FRK: variants seen among roughly 807,000 people sequenced by gnomAD.
FRK encodes the protein fyn related Src family tyrosine kinase, also known as tyrosine-protein kinase FRK.
FRK carries 51 observed loss-of-function variants against 56.4 expected under a neutral mutation model. The ratio of observed to expected loss-of-function variants is 0.90; its 90% CI spans 0.72 to 1.14. The LOEUF (loss-of-function observed/expected upper bound fraction) is 1.14, where lower values mean the gene tolerates loss of function less well. Among genes scored for constraint, FRK ranks in the 50% most tolerant of loss-of-function variants. FRK has a pLI of 0.00. For synonymous variants in FRK, 245 were observed against 217.9 expected (o/e 1.12, Z -1.10); for missense variants, 570 against 601.4 (o/e 0.95, Z 0.55).
chr6:116,059,990 C>T lies in FRK; in HGVS notation c.322G>A (p.Asp108Asn). ...CACGGCTCTGCCTGTAGGCTTCTGT[C>T]CTCAGCCACGTAGTTAGAAGGAATA... ...GYIPSNYVAE[D>N]RSLQAEPWFF... Residue 108 changes from aspartate to asparagine, a missense_variant, in exon 1 of 8, where the codon GAC (aspartate) becomes AAC (asparagine). By Grantham distance (23) the Asp-to-Asn change is conservative. Transcript: ENST00000606080. The T allele has an allele frequency of 1.2e-6, 2 of 1,614,102 alleles. No individual in the cohort carries two copies. The highest frequency in any genetic ancestry group is 1.1e-5 in the South Asian group (1 of 91,058).
intron 1 of FRK, among the ~76,000 whole-genome samples, chr6:116,031,371 C>T (rs1776298931): frequency 6.6e-6 from 1 of 151,984 alleles, no homozygotes; most frequent in South Asian, 2.1e-4. Context: ...ATTTTAGTAA[C>T]ATTCAAAAAT....
chr6:115,948,711 G>A (rs181564862), intron 5 of FRK, among the ~76,000 whole-genome samples: 25 of 152,066 alleles, frequency 1.6e-4, no homozygotes, highest in Admixed American at 3.9e-4. Context: ...TCCTTCAGTC[G>A]TTTCCACGTA....
At chr6:116,020,377 C>T (rs541066214) in intron 1 of FRK, among the ~76,000 whole-genome samples, 16 of 152,086 alleles carry the variant, frequency 1.1e-4, no homozygotes, top group African/African-American at 2.9e-4. Context: ...CTGCAACCTC[C>T]ACCTCCTGGG....
At chr6:116,050,146 A>G (rs1167448531) in intron 1 of FRK, among the ~76,000 whole-genome samples, 4 of 152,200 alleles carry the variant, frequency 2.6e-5, no homozygotes, top group Non-Finnish European at 5.9e-5. Context: ...TAACGGCTAG[A>G]CCTTGCTGTC....
intron 2 of FRK, among the ~76,000 whole-genome samples, chr6:115,975,898 G>A (rs1773975071): frequency 6.6e-6 from 1 of 152,128 alleles, no homozygotes; most frequent in Non-Finnish European, 1.5e-5. Context: ...GGGTAAGTAT[G>A]TATCAGGAAT....
At position 116,052,829 on chromosome 6, in the gene FRK, G is replaced by A. The variant is rs1777230820; in HGVS notation, c.344+7139C>T. On this transcript the variant is annotated intron_variant, in intron 1 of 7. Coordinates refer to ENST00000606080, the MANE Select transcript of FRK (RefSeq NM_002031.3). Reference sequence around the variant, plus strand: ...ACACCTGTTACAGGGAAAGAATATTGTGAGCTCAGACTAGAGTGGGGGTGT... The same window carrying A: ...ACACCTGTTACAGGGAAAGAATATTATGAGCTCAGACTAGAGTGGGGGTGT... 4.6e-5 allele frequency among the ~76,000 whole-genome samples: 7 copies of A among 152,142 alleles called. 1 individual carries two copies. The South Asian group carries it at 1.5e-3, about 32-fold the overall frequency.
chr6:116,050,623 T>C (rs1777146028), intron 1 of FRK, among the ~76,000 whole-genome samples: 1 of 152,176 alleles, frequency 6.6e-6, no homozygotes, highest in Non-Finnish European at 1.5e-5. Flanking sequence ...CTGATGTGCT[T>C]TTGACAAAGG....
intron 2 of FRK, among the ~76,000 whole-genome samples, chr6:115,978,777 CA>C (rs1434412817): frequency 6.6e-6 from 1 of 152,102 alleles, no homozygotes; most frequent in Non-Finnish European, 1.5e-5. Flanking sequence ...TATATGATAA[CA>C]ATAATTAATG....
upstream of FRK, among the ~76,000 whole-genome samples, chr6:116,064,230 T>G (rs1471919697): frequency 3.3e-5 from 5 of 152,162 alleles, no homozygotes; most frequent in Non-Finnish European, 5.9e-5. Context: ...TTTTCTAGGT[T>G]GGGTTCAGGC....
chr6:115,974,842 C>G (rs1307345282), intron 2 of FRK, among the ~76,000 whole-genome samples: 1 of 152,104 alleles, frequency 6.6e-6, no homozygotes, highest in Non-Finnish European at 1.5e-5. Context: ...TCAGAGCCAG[C>G]CTTCTCTATC....
At position 115,933,035 on chromosome 6, in the gene FRK, A is replaced by G. The variant is rs1235246927; in HGVS notation, c.*9379T>C. Reference sequence around the variant, plus strand: ...TTTGATGACAAAATATTCAGGTTCCACAACTATTCAGAGTCTACCCTGTGC... The same window carrying G: ...TTTGATGACAAAATATTCAGGTTCCGCAACTATTCAGAGTCTACCCTGTGC... On this transcript the variant is annotated 3_prime_UTR_variant, in exon 8 of 8. Coordinates refer to ENST00000606080, the MANE Select transcript of FRK (RefSeq NM_002031.3). 1 of 152,218 alleles carries G rather than the reference A, an allele frequency of 6.6e-6. No homozygotes were observed. Among genetic ancestry groups the G allele is most frequent in the Non-Finnish European group, 1.5e-5 (1 of 68,040 alleles). 9.4% of individuals were successfully genotyped at this position (152,218 alleles called of 1,614,324 possible). A position where few individuals can be genotyped will look rare whatever the true frequency, so the allele number is the denominator to read the frequency against.
intron 1 of FRK, among the ~76,000 whole-genome samples, chr6:116,052,815 A>C (rs28571676): frequency 1.3e-5 from 2 of 152,176 alleles, no homozygotes; most frequent in Non-Finnish European, 2.9e-5. Flanking sequence ...CACCTGTTAC[A>C]GGGAAAGAAT....
At position 115,934,555 on chromosome 6, in the gene FRK, C is replaced by T. The variant is rs1414113150; in HGVS notation, c.*7859G>A. On this transcript the variant is annotated 3_prime_UTR_variant, in exon 8 of 8. Coordinates refer to ENST00000606080, the MANE Select transcript of FRK (RefSeq NM_002031.3). ...GAGGCTTGGAAAGGACATGGGTCTT[C>T]GTTCACATTGAACTGCTAATGATAT... 2 of 152,182 alleles carry T rather than the reference C, an allele frequency of 1.3e-5. No homozygotes were observed. Among genetic ancestry groups the T allele is most frequent in the Non-Finnish European group, 2.9e-5 (2 of 68,040 alleles). The allele number at this position is 152,182 out of a possible 1,614,324, so 9.4% of individuals were successfully genotyped here.
intron 2 of FRK, among the ~76,000 whole-genome samples, chr6:115,987,304 C>T (rs932050941): frequency 2.0e-5 from 3 of 151,866 alleles, no homozygotes; most frequent in African/African-American, 7.3e-5. Context: ...AGTGACTTGC[C>T]TAAAGCCACA....
At chr6:115,987,665 A>G (rs569058124) in intron 2 of FRK, among the ~76,000 whole-genome samples, 1 of 152,092 alleles carries the variant, frequency 6.6e-6, no homozygotes, top group Non-Finnish European at 1.5e-5. Context: ...TCTACTGCCA[A>G]TTAGAACATA....
intron 5 of FRK, among the ~76,000 whole-genome samples, chr6:115,954,384 A>C (rs991740952): frequency 2.0e-5 from 3 of 152,168 alleles, no homozygotes; most frequent in African/African-American, 4.8e-5. Flanking sequence ...AGGAGACAAG[A>C]AGCAGAAGAT....
the FRK span, among the ~76,000 whole-genome samples, chr6:116,074,288 T>C: frequency 2.6e-5 from 4 of 152,256 alleles, no homozygotes; most frequent in East Asian, 7.7e-4. Flanking sequence ...AGCTTGAGAT[T>C]TGTACATGGC....
At chr6:116,059,912 C>T (rs1479704646) in intron 1 of FRK, 56 bp downstream of exon 1, 20 of 1,436,906 alleles carry the variant, frequency 1.4e-5, no homozygotes, top group Admixed American at 1.9e-5. Context: ...GAAAGGAAAA[C>T]TCATTACCCA....
intron 1 of FRK, among the ~76,000 whole-genome samples, chr6:116,031,181 C>T (rs1236072144): frequency 1.3e-5 from 2 of 151,982 alleles, no homozygotes; most frequent in African/African-American, 4.8e-5. Flanking sequence ...AATTCACTGA[C>T]AGAAATATGA....
Sources: allele counts gnomAD v4.1 joint callset (sites outside exome capture counted in the v4.1 genomes callset), GRCh38; gene constraint gnomAD v4.1.1; transcripts MANE v1.5; gene names NCBI Gene and HGNC (gene_info 2026-07-23, HGNC 2026-07-21).